RPA1: variants seen among roughly 807,000 people sequenced by gnomAD.
The protein encoded by RPA1 is replication protein A1, also known as replication protein A 70 kDa DNA-binding subunit.
Under a neutral mutation model 83.0 loss-of-function variants are expected in RPA1, and 49 were observed. The ratio of observed to expected loss-of-function variants is 0.59; its 90% CI spans 0.47 to 0.75. RPA1 has a LOEUF of 0.75. Ranked by LOEUF, RPA1 falls within the 30% of genes least tolerant of loss-of-function variation. The pLI is 0.00. For synonymous variants in RPA1, 279 were observed against 281.8 expected, an observed-to-expected ratio of 0.99 and a Z score of 0.10; for missense variants, 693 against 776.1, an observed-to-expected ratio of 0.89 and a Z score of 1.27.
chr17:1,855,441 G>C lies in RPA1; in HGVS notation c.361+2252G>C, dbSNP rs1031428745. 2.6e-4 allele frequency among the ~76,000 whole-genome samples: 39 copies of C among 151,994 alleles called. 1 individual carries two copies. The highest frequency in any genetic ancestry group is 7.7e-4 in the African/African-American group (32 of 41,382). On this transcript the variant is annotated intron_variant, in intron 5 of 16. Transcript: ENST00000254719. ...TGACCTCAAGTGGTCCACCCGCCTG[G>C]GCCTCCCAAAGTGCTGGGATTACAT...
chr17:1,862,194 ATTTTTT>A (rs57509401), intron 5 of RPA1, among the ~76,000 whole-genome samples: 1,981 of 93,134 alleles, frequency 0.021, 47 homozygotes, highest in African/African-American at 0.095. Context: ...CCCCAACCGT[ATTTTTT>A]TTTTTTTTTT....
At chr17:1,871,470 T>A (rs1217466662) in intron 5 of RPA1, among the ~76,000 whole-genome samples, 2 of 152,212 alleles carry the variant, frequency 1.3e-5, no homozygotes, top group East Asian at 3.9e-4. Flanking sequence ...TGGGAAGCCC[T>A]CCCAGCCGTG....
chr17:1,842,926 A>G, intron 2 of RPA1, 73 bp downstream of exon 2: 7 of 1,489,920 alleles, frequency 4.7e-6, no homozygotes, highest in East Asian at 2.3e-5. Flanking sequence ...CGTTTGATGA[A>G]GGACAGACAG....
intron 4 of RPA1, among the ~76,000 whole-genome samples, chr17:1,849,289 C>CTTTTTTTTT (rs61062085): frequency 6.4e-4 from 75 of 116,312 alleles, no homozygotes; most frequent in Non-Finnish European, 7.4e-4. Flanking sequence ...GTTGGCTGTT[C>CTTTTTTTTT]TTTTTTTTTT....
intron 6 of RPA1, among the ~76,000 whole-genome samples, chr17:1,874,802 G>A (rs752443053): frequency 2.6e-5 from 4 of 152,162 alleles, no homozygotes; most frequent in Non-Finnish European, 5.9e-5. Context: ...TAATTACTAC[G>A]AATGCCTAGA....
At chr17:1,891,146 T>G (rs755982843) in intron 14 of RPA1, among the ~76,000 whole-genome samples, 55 of 152,254 alleles carry the variant, frequency 3.6e-4, no homozygotes, top group Non-Finnish European at 6.8e-4. Flanking sequence ...GGCTTTTACT[T>G]CAGCAAGTGG....
At position 1,888,746 on chromosome 17, in the gene RPA1, G is replaced by A. The variant is rs145553070; in HGVS notation, c.1446G>A (p.Pro482=). Reference sequence around the variant, plus strand: ...AGAACTGCATGTACCAAGCCTGCCCGACTCAGGACTGCAATAAGAAAGTGA... The same window carrying A: ...AGAACTGCATGTACCAAGCCTGCCCAACTCAGGACTGCAATAAGAAAGTGA... ...RKENCMYQAC[P]TQDCNKKVID... is the part of the protein sequence containing the mutation. Residue 482 remains proline (P), a synonymous_variant, in exon 14 of 17, where the codon CCG becomes CCA. Coordinates refer to ENST00000254719, the MANE Select transcript of RPA1 (RefSeq NM_002945.5). The A allele has an allele frequency of 4.5e-5, 73 of 1,614,204 alleles. No homozygotes were observed. The Middle Eastern group carries it at 6.6e-4, about 15-fold the overall frequency.
chr17:1,894,032 T>G (rs1914298421), intron 15 of RPA1, among the ~76,000 whole-genome samples: 1 of 55,834 alleles, frequency 1.8e-5, no homozygotes, highest in African/African-American at 5.7e-5. Context: ...GGCTTAAGTT[T>G]TTTTTTTTTT....
At chr17:1,874,013 AT>A (rs1319961099) in intron 6 of RPA1, among the ~76,000 whole-genome samples, 1,256 of 81,010 alleles carry the variant, frequency 0.016, 4 homozygotes, top group South Asian at 0.034. Context: ...AAAAAAAAAA[AT>A]ATATATATAT....
At chr17:1,862,278 G>A (rs1358907333) in intron 5 of RPA1, among the ~76,000 whole-genome samples, 1 of 135,196 alleles carries the variant, frequency 7.4e-6, no homozygotes, top group South Asian at 2.4e-4. Flanking sequence ...CAAGCAATCC[G>A]CCCACCTGAG....
chr17:1,851,241 CTTG>C lies in RPA1; in HGVS notation c.273-1855_273-1853del, dbSNP rs1312830558. 5.3e-5 allele frequency among the ~76,000 whole-genome samples: 8 copies of C among 150,326 alleles called. No individual in the cohort carries two copies. In the East Asian group the frequency reaches 5.9e-4, roughly 11 times the overall value. Reference sequence around the variant, plus strand: ...AATACCGTCCGTGTTGTATTTCCATCTTGTTGTATATGTGCGTGTGTATGTGCG... The same window carrying C: ...AATACCGTCCGTGTTGTATTTCCATCTTGTATATGTGCGTGTGTATGTGCG... On this transcript the variant is annotated intron_variant, in intron 4 of 16. Coordinates refer to ENST00000254719, the MANE Select transcript of RPA1 (RefSeq NM_002945.5).
In RPA1 at chr17:1,879,416, G is replaced by A. The variant is rs41550212; in HGVS notation, c.952+9G>A. ...GAAAGACTCACTTGTAGGTAAGCTC[G>A]TGTATGAGAAGGAAGAGCAGGGATG... On this transcript the variant is annotated intron_variant, in intron 10 of 16. Coordinates refer to ENST00000254719, the MANE Select transcript of RPA1 (RefSeq NM_002945.5). The A allele has an allele frequency of 2.2e-4, 351 of 1,613,366 alleles. 1 individual carries two copies. The highest frequency in any genetic ancestry group is 2.6e-4 in the Non-Finnish European group (306 of 1,179,492).
At chr17:1,835,842 G>A (rs1237349457) in intron 1 of RPA1, among the ~76,000 whole-genome samples, 1 of 152,100 alleles carries the variant, frequency 6.6e-6, no homozygotes, top group Non-Finnish European at 1.5e-5. Flanking sequence ...GGTGTTCATG[G>A]CCGGGCATGG....
chr17:1,853,120 GA>G lies in RPA1; in HGVS notation c.294del (p.Glu98AspfsTer2). 1 of 1,614,120 alleles carries G rather than the reference GA, an allele frequency of 6.2e-7. No individual in the cohort carries two copies. Among genetic ancestry groups the G allele is most frequent in the Non-Finnish European group, 8.5e-7 (1 of 1,180,012 alleles). ...KDGRRVVILM[E>X]LEVLKSAEAV... ...TTGCAGGAGAGTAGTTATCTTGATG[GA>G]ATTAGAAGTTTTGAAGTCAGCTGAA... On this transcript the variant is annotated frameshift_variant, in exon 5 of 17. Transcript: ENST00000254719. LOFTEE classifies it high-confidence loss of function.
intron 5 of RPA1, among the ~76,000 whole-genome samples, chr17:1,870,193 A>G (rs1913326433): frequency 6.6e-6 from 1 of 152,204 alleles, no homozygotes; most frequent in Non-Finnish European, 1.5e-5. Context: ...GTAGCAATGC[A>G]CGTACCTGCA....
rs189644474 is a variant in RPA1 at position 1,844,591 on chromosome 17, G to A, written c.177G>A (p.Ala59=). 4.9e-5 allele frequency: 79 copies of A among 1,612,878 alleles called. No individual in the cohort carries two copies. In the East Asian group the frequency reaches 7.6e-4, roughly 15 times the overall value. Residue 59 remains alanine (A), a synonymous_variant, in exon 4 of 17, where the codon GCG becomes GCA. Transcript: ENST00000254719. ...GLNTLSSFML[A]TQLNPLVEEE... ...TGTGGTTTTCAGCTTTCATGTTGGC[G>A]ACACAGTTGAACCCTCTCGTGGAGG...
intron 15 of RPA1, among the ~76,000 whole-genome samples, chr17:1,893,267 T>G (rs1490826537): frequency 6.6e-6 from 1 of 152,260 alleles, no homozygotes; most frequent in Non-Finnish European, 1.5e-5. Context: ...TTTTATGAGC[T>G]TATTATATTT....
intron 16 of RPA1, among the ~76,000 whole-genome samples, chr17:1,895,664 T>TTTA (rs1914387452): frequency 3.3e-5 from 3 of 91,748 alleles, no homozygotes; most frequent in African/African-American, 2.1e-4. Flanking sequence ...ATATAGTATT[T>TTTA]ATTTATTTAT....
chr17:1,843,154 C>A (rs140932199), intron 2 of RPA1, among the ~76,000 whole-genome samples: 1 of 151,654 alleles, frequency 6.6e-6, no homozygotes, highest in African/African-American at 2.4e-5. Flanking sequence ...TTGGGTTTGT[C>A]TTGTTCACAT....
Sources: gnomAD v4.1 joint callset for allele counts (sites outside exome capture counted in the v4.1 genomes callset) on GRCh38, gnomAD v4.1.1 for gene constraint, MANE v1.5 for transcripts, NCBI Gene and HGNC (gene_info 2026-07-23, HGNC 2026-07-21) for gene names.